SGCZ: variants seen among roughly 807,000 people sequenced by gnomAD.
SGCZ encodes the protein sarcoglycan zeta.
A neutral mutation model predicts 41.3 loss-of-function variants in SGCZ; 40 were observed. The observed-to-expected ratio is 0.97, with a 90% CI of 0.75 to 1.26. The LOEUF is 1.26. SGCZ is among the 50% of genes most tolerant of loss of function. The pLI is 0.00. For synonymous variants in SGCZ, 206 were observed against 137.5 expected (o/e 1.50, Z -3.49); for missense variants, 552 against 369.8 (o/e 1.49, Z -4.04).
At chr8:15,043,205 G>C (rs7838801) in intron 1 of SGCZ, among the ~76,000 whole-genome samples, 141,966 of 152,216 alleles carry the variant, frequency 0.93, 66,992 homozygotes, top group East Asian at 1. Flanking sequence ...AGTAAAATAA[G>C]CATTTATTTG....
rs1227494069 is a variant in SGCZ at position 15,002,989 on chromosome 8, C to T, written c.39+234596G>A. Among the ~76,000 whole-genome samples the T allele has an allele frequency of 4.0e-5, 6 of 151,820 alleles. No individual in the cohort carries two copies. In the East Asian group the frequency reaches 5.8e-4, roughly 15 times the overall value. ...TTTTATAAAGGGGAGTTCCCCTGCA[C>T]GTGCTCTCTTGCCTGTCACCATGTA... On this transcript the variant is annotated intron_variant, in intron 1 of 7. Transcript: ENST00000382080.
intron 1 of SGCZ, among the ~76,000 whole-genome samples, chr8:15,071,163 T>A (rs1585533193): frequency 6.6e-6 from 1 of 152,172 alleles, no homozygotes; most frequent in African/African-American, 2.4e-5. Flanking sequence ...TCTTTAGTAA[T>A]GTGGCTTAGG....
chr8:14,282,868 G>A (rs1212993225), intron 3 of SGCZ, among the ~76,000 whole-genome samples: 1 of 15,844 alleles, frequency 6.3e-5, no homozygotes, highest in Non-Finnish European at 1.5e-4. Context: ...TTTTTTTTTT[G>A]AGACGGAGTC....
At chr8:14,354,718 C>T (rs28685843) in intron 2 of SGCZ, among the ~76,000 whole-genome samples, 4,078 of 151,630 alleles carry the variant, frequency 0.027, 144 homozygotes, top group African/African-American at 0.092. Flanking sequence ...AACATGTATA[C>T]AAAAGACACG....
chr8:14,328,218 T>C (rs1011422898), intron 2 of SGCZ, among the ~76,000 whole-genome samples: 1 of 152,226 alleles, frequency 6.6e-6, no homozygotes, highest in Non-Finnish European at 1.5e-5. Flanking sequence ...GTTGATGAAA[T>C]TTGCTTTTCC....
chr8:14,116,738 G>A (rs553167737), intron 5 of SGCZ, among the ~76,000 whole-genome samples: 1 of 151,912 alleles, frequency 6.6e-6, no homozygotes, highest in Admixed American at 6.6e-5. Flanking sequence ...ATTTTAGAAA[G>A]CTCCATTTAC....
At chr8:14,928,944 G>A (rs1352730541) in intron 1 of SGCZ, among the ~76,000 whole-genome samples, 2 of 152,068 alleles carry the variant, frequency 1.3e-5, no homozygotes, top group East Asian at 1.9e-4. Flanking sequence ...GGAGCTTGAT[G>A]TTATGAAATT....
intron 1 of SGCZ, among the ~76,000 whole-genome samples, chr8:14,784,383 T>C (rs1036149716): frequency 1.4e-5 from 2 of 143,004 alleles, no homozygotes; most frequent in African/African-American, 2.7e-5. Context: ...ATGCATCTTA[T>C]ACATTGATTT....
At chr8:14,390,720 C>A (rs988268520) in intron 2 of SGCZ, among the ~76,000 whole-genome samples, 1 of 151,842 alleles carries the variant, frequency 6.6e-6, no homozygotes, top group Non-Finnish European at 1.5e-5. Flanking sequence ...TATTTAGATG[C>A]TGACTTAATA....
intron 1 of SGCZ, among the ~76,000 whole-genome samples, chr8:14,706,021 C>A (rs1809321817): frequency 6.6e-6 from 1 of 151,918 alleles, no homozygotes; most frequent in Non-Finnish European, 1.5e-5. Context: ...TCTAGAAATA[C>A]AAAATATAAA....
At chr8:15,204,459 C>T (rs1367324666) in intron 1 of SGCZ, among the ~76,000 whole-genome samples, 1 of 152,148 alleles carries the variant, frequency 6.6e-6, no homozygotes, top group Non-Finnish European at 1.5e-5. Flanking sequence ...CAATAAAACA[C>T]CTATACTTCA....
rs908763125 is a variant in SGCZ, at chr8:14,232,225, C to A, written c.424+5367G>T. On this transcript the variant is annotated intron_variant, in intron 4 of 7. Coordinates refer to ENST00000382080, the MANE Select transcript of SGCZ (RefSeq NM_139167.4). Reference sequence around the variant, plus strand: ...GAAGTGCAAATGAACAATCTTGAAACCTTTATTGTGGCCCATCTGATTATC... The same window carrying A: ...GAAGTGCAAATGAACAATCTTGAAAACTTTATTGTGGCCCATCTGATTATC... 5.5e-4 allele frequency among the ~76,000 whole-genome samples: 83 copies of A among 151,740 alleles called. 1 individual carries two copies. The highest frequency in any genetic ancestry group is 1.2e-4 in the Non-Finnish European group (8 of 67,926).
At chr8:14,518,326 C>T (rs898349414) in intron 2 of SGCZ, among the ~76,000 whole-genome samples, 49 of 152,158 alleles carry the variant, frequency 3.2e-4, no homozygotes, top group African/African-American at 1.2e-3. Flanking sequence ...GCAGATCTTA[C>T]ATTGTATGCT....
At chr8:15,218,813 A>C (rs893495344) in intron 1 of SGCZ, among the ~76,000 whole-genome samples, 1 of 152,202 alleles carries the variant, frequency 6.6e-6, no homozygotes, top group Non-Finnish European at 1.5e-5. Flanking sequence ...CAGTCTCACA[A>C]TCTATATGCA....
chr8:15,232,170 A>G (rs927265117), intron 1 of SGCZ, among the ~76,000 whole-genome samples: 1 of 152,214 alleles, frequency 6.6e-6, no homozygotes. Flanking sequence ...GCTCTGCCAA[A>G]TTGTATTTTA....
chr8:14,215,997 G>C (rs914869772), intron 4 of SGCZ, among the ~76,000 whole-genome samples: 1 of 152,200 alleles, frequency 6.6e-6, no homozygotes, highest in African/African-American at 2.4e-5. Context: ...GCTGTAAAAA[G>C]GCAGCAGCTG....
At chr8:14,746,643 A>G (rs2130300894) in intron 1 of SGCZ, among the ~76,000 whole-genome samples, 1 of 152,308 alleles carries the variant, frequency 6.6e-6, no homozygotes, top group Middle Eastern at 3.4e-3. Flanking sequence ...ACTAAAGAGA[A>G]AAGATACTAC....
At chr8:14,260,411 C>T (rs186819469) in intron 3 of SGCZ, among the ~76,000 whole-genome samples, 19,159 of 143,126 alleles carry the variant, frequency 0.13, 2,049 homozygotes, top group East Asian at 0.3. Context: ...CATCTCACAC[C>T]AGTTAGAATG....
At chr8:14,806,711 C>A (rs534552664) in intron 1 of SGCZ, among the ~76,000 whole-genome samples, 3 of 152,256 alleles carry the variant, frequency 2.0e-5, no homozygotes, top group African/African-American at 7.2e-5. Context: ...AAAAGAGGGA[C>A]TCCTCCCTAA....
Sources: gnomAD v4.1 joint callset for allele counts (sites outside exome capture counted in the v4.1 genomes callset) on GRCh38, gnomAD v4.1.1 for gene constraint, MANE v1.5 for transcripts, NCBI Gene and HGNC (gene_info 2026-07-23, HGNC 2026-07-21) for gene names.